RELB: variants seen among roughly 807,000 people sequenced by gnomAD.
RELB encodes transcription factor RelB.
A neutral mutation model predicts 55.4 loss-of-function variants in RELB; 14 were observed. That is an observed-to-expected ratio of 0.25 (90% confidence interval 0.17 to 0.40). The LOEUF (loss-of-function observed/expected upper bound fraction) is 0.40. Ranked by LOEUF, RELB falls within the 10% of genes least tolerant of loss-of-function variation. The probability of loss-of-function intolerance (pLI) is 1.00; values close to 1 mark genes in which losing one functional copy is unlikely to be tolerated. For synonymous variants in RELB, 409 were observed against 371.3 expected, an observed-to-expected ratio of 1.10 and a Z score of -1.17; for missense variants, 669 against 830.7, an observed-to-expected ratio of 0.81 and a Z score of 2.39.
chr19:45,012,577 G>A (rs1971375365), intron 4 of RELB, among the ~76,000 whole-genome samples: 1 of 151,708 alleles, frequency 6.6e-6, no homozygotes, highest in African/African-American at 2.4e-5. Context: ...AACCCCATCT[G>A]TACTAAAAGT....
Position 45,025,696 on chromosome 19 carries a change from G to A in RELB, c.845G>A (p.Arg282His), listed in dbSNP as rs759462880. The A allele has an allele frequency of 2.3e-5, 37 of 1,613,996 alleles. No homozygotes were observed. In the South Asian group the frequency reaches 3.6e-4, roughly 16 times the overall value. ...TATCGGGACCAGCAGGGACAGATGC[G>A]CCGGATGGATCCTGTGCTTTCCGAG... ...ASYRDQQGQM[R>H]RMDPVLSEPV... is the part of the protein sequence containing the mutation. The change falls in exon 7 of 12, where the codon CGC becomes CAC. Residue 282 changes from arginine (R) to histidine (H), a missense_variant. By Grantham distance (29) the Arg-to-His change is conservative. Coordinates refer to ENST00000221452, the MANE Select transcript of RELB (RefSeq NM_006509.4).
chr19:45,029,420 A>G (rs1010629318), intron 8 of RELB, among the ~76,000 whole-genome samples: 6 of 152,164 alleles, frequency 3.9e-5, no homozygotes, highest in African/African-American at 1.4e-4. Flanking sequence ...AGGCTTTTAA[A>G]AAAAAAAGAC....
rs559399881 is a variant in RELB, at chr19:45,027,756, A to T, written c.887-1132A>T. ...GGGTCAGGACTACTAGATGGGGAAA[A>T]CAACAGGTGTCCACTACATGATTAC... On this transcript the variant is annotated intron_variant, in intron 7 of 11. Transcript: ENST00000221452. 5.9e-5 allele frequency among the ~76,000 whole-genome samples: 9 copies of T among 152,160 alleles called. No individual in the cohort carries two copies. In the South Asian group the frequency reaches 1.5e-3, roughly 25 times the overall value.
intron 7 of RELB, among the ~76,000 whole-genome samples, chr19:45,027,797 C>G (rs561497505): frequency 1.5e-4 from 23 of 152,180 alleles, no homozygotes; most frequent in African/African-American, 5.5e-4. Context: ...ATCAAACTCT[C>G]CTCAAGGAAC....
chr19:45,016,731 C>T (rs1971424698), intron 4 of RELB, among the ~76,000 whole-genome samples: 1 of 152,098 alleles, frequency 6.6e-6, no homozygotes, highest in Non-Finnish European at 1.5e-5. Context: ...GTGATGCATG[C>T]CTGTAAGCCC....
intron 6 of RELB, 78 bp downstream of exon 6, chr19:45,025,498 C>T: frequency 6.4e-7 from 1 of 1,557,446 alleles, no homozygotes; most frequent in South Asian, 1.1e-5. Flanking sequence ...GTCCCCTCAC[C>T]ACTCCAGGCC....
chr19:45,017,450 A>AAAAAAAAAAAAAAAAAAAAAAAAAC (rs1454338340), intron 4 of RELB, among the ~76,000 whole-genome samples: 11 of 28,996 alleles, frequency 3.8e-4, no homozygotes, highest in African/African-American at 1.2e-3. Context: ...GAATCTGTCT[A>AAAAAAAAAAAAAAAAAAAAAAAAAC]AAAAAAAAAA....
intron 9 of RELB, among the ~76,000 whole-genome samples, chr19:45,033,240 A>G (rs1971646696): frequency 6.6e-6 from 1 of 152,116 alleles, no homozygotes; most frequent in Admixed American, 6.6e-5. Flanking sequence ...GGAGGAGGGG[A>G]CAGCTGAGCT....
At chr19:45,017,508 T>C (rs912099471) in intron 4 of RELB, among the ~76,000 whole-genome samples, 4 of 150,750 alleles carry the variant, frequency 2.7e-5, no homozygotes, top group African/African-American at 9.8e-5. Flanking sequence ...TAATTTTAAT[T>C]GTGGGCTCCA....
intron 9 of RELB, among the ~76,000 whole-genome samples, chr19:45,033,588 G>A (rs1971651277): frequency 6.6e-6 from 1 of 151,978 alleles, no homozygotes; most frequent in Non-Finnish European, 1.5e-5. Flanking sequence ...GGGAGGCTGA[G>A]GCAGGAGAAT....
At chr19:45,007,783 G>C (rs1046809720) in intron 2 of RELB, among the ~76,000 whole-genome samples, 3 of 150,380 alleles carry the variant, frequency 2.0e-5, no homozygotes, top group Non-Finnish European at 4.4e-5. Flanking sequence ...GCTAGAACCC[G>C]GGAGGCAGAG....
chr19:45,010,478 A>G (rs1971337380), intron 3 of RELB, among the ~76,000 whole-genome samples: 1 of 151,634 alleles, frequency 6.6e-6, no homozygotes, highest in African/African-American at 2.4e-5. Context: ...ACAGATGAGC[A>G]AGATAATGTT....
At chr19:45,028,137 G>A (rs568947351) in intron 7 of RELB, among the ~76,000 whole-genome samples, 2 of 152,068 alleles carry the variant, frequency 1.3e-5, no homozygotes, top group African/African-American at 4.8e-5. Flanking sequence ...CTCCCTCCTC[G>A]GCCCCTCAAG....
At chr19:45,012,319 C>A in intron 4 of RELB, 43 bp downstream of exon 4, 1 of 1,251,482 alleles carries the variant, frequency 8.0e-7, no homozygotes, top group Non-Finnish European at 1.0e-6. Flanking sequence ...ACTGGGGCTT[C>A]CCCTGCACCC....
At chr19:45,015,523 C>T (rs1431667969) in intron 4 of RELB, among the ~76,000 whole-genome samples, 1 of 151,854 alleles carries the variant, frequency 6.6e-6, no homozygotes, top group African/African-American at 2.4e-5. Flanking sequence ...TCACTTGAGG[C>T]CAGGAGTTCA....
intron 4 of RELB, among the ~76,000 whole-genome samples, chr19:45,020,065 C>A (rs1448694308): frequency 2.0e-5 from 3 of 150,866 alleles, no homozygotes; most frequent in Middle Eastern, 3.6e-3. Context: ...GCCCTTCTCT[C>A]CTTTTTTAAA....
At position 45,028,937 on chromosome 19, in the gene RELB, C is replaced by A; in HGVS notation, c.936C>A (p.Ser312Arg). The change falls in exon 8 of 12, where the codon AGC becomes AGA. Residue 312 changes from serine to arginine, a missense_variant. Physicochemically the swap from Ser to Arg is moderately radical, Grantham distance 110. Coordinates refer to ENST00000221452, the MANE Select transcript of RELB (RefSeq NM_006509.4). ...ELRICRINKESGPCTGGEELY... is the reference protein window; with the variant it reads ...ELRICRINKERGPCTGGEELY... ...GGATTTGCCGAATTAACAAGGAAAG[C>A]GGGCCGTGCACCGGTGGCGAGGAGC... 1 of 1,600,322 alleles carries A rather than the reference C, an allele frequency of 6.2e-7. No homozygotes were observed. The highest frequency in any genetic ancestry group is 8.5e-7 in the Non-Finnish European group (1 of 1,174,052).
chr19:45,022,548 T>TA (rs1491448791), intron 5 of RELB, among the ~76,000 whole-genome samples: 1 of 7,088 alleles, frequency 1.4e-4, no homozygotes, highest in African/African-American at 2.4e-4. Flanking sequence ...ACAATTCATC[T>TA]TTTTTTTTTT....
chr19:45,032,027 G>T (rs975498233), intron 8 of RELB, among the ~76,000 whole-genome samples: 5 of 151,760 alleles, frequency 3.3e-5, no homozygotes, highest in Admixed American at 6.6e-5. Context: ...CACGAGGTCA[G>T]GAGAGCGAGA....
Sources: allele counts gnomAD v4.1 joint callset (sites outside exome capture counted in the v4.1 genomes callset), GRCh38; gene constraint gnomAD v4.1.1; transcripts MANE v1.5; gene names NCBI Gene and HGNC (gene_info 2026-07-23, HGNC 2026-07-21).